FOXP2: variants seen among roughly 807,000 people sequenced by gnomAD.
The protein encoded by FOXP2 is forkhead box P2.
A neutral mutation model predicts 115.8 loss-of-function variants in FOXP2; 12 were observed. The ratio of observed to expected loss-of-function variants is 0.10; its 90% CI spans 0.07 to 0.17. The LOEUF is 0.17. Ranked by LOEUF, FOXP2 falls within the 10% of genes least tolerant of loss-of-function variation. The pLI is 1.00. For missense variants in FOXP2, 629 were observed against 843.5 expected (o/e 0.75, Z 3.15); for synonymous variants, 328 against 297.7 (o/e 1.10, Z -1.05).
At chr7:114,373,963 T>C (rs1792076850) in intron 2 of FOXP2, among the ~76,000 whole-genome samples, 1 of 152,198 alleles carries the variant, frequency 6.6e-6, no homozygotes, top group Admixed American at 6.5e-5. Flanking sequence ...GAAGCTGTTA[T>C]CTCCTCTGAT....
chr7:114,316,911 C>T (rs953099786), intron 2 of FOXP2, among the ~76,000 whole-genome samples: 2 of 152,122 alleles, frequency 1.3e-5, no homozygotes, highest in Admixed American at 1.3e-4. Context: ...TTGTTATTAA[C>T]AAGTGATTGA....
At chr7:114,486,931 G>T (rs1796812058) in intron 2 of FOXP2, among the ~76,000 whole-genome samples, 2 of 152,270 alleles carry the variant, frequency 1.3e-5, no homozygotes, top group South Asian at 4.1e-4. Flanking sequence ...CACTGAGTGT[G>T]CAGCTTTTCT....
chr7:114,689,949 C>A lies in FOXP2; in HGVS notation c.*23C>A. On this transcript the variant is annotated 3_prime_UTR_variant, in exon 17 of 17. Coordinates refer to ENST00000350908, the MANE Select transcript of FOXP2 (RefSeq NM_014491.4). ...TGAGAACTGACTTGTGAAACCTCAGCGTGAAGGGACATATCACTGACCTTC... is the reference window on the plus strand; with the variant it reads ...TGAGAACTGACTTGTGAAACCTCAGAGTGAAGGGACATATCACTGACCTTC... 1 of 1,611,652 alleles carries A rather than the reference C, an allele frequency of 6.2e-7. No homozygotes were observed. Among genetic ancestry groups the A allele is most frequent in the Non-Finnish European group, 8.5e-7 (1 of 1,178,822 alleles).
At chr7:114,152,234 G>C (rs1792547172) in intron 1 of FOXP2, among the ~76,000 whole-genome samples, 1 of 152,036 alleles carries the variant, frequency 6.6e-6, no homozygotes, top group African/African-American at 2.4e-5. Flanking sequence ...ATTATCTATT[G>C]AATACATAAT....
At chr7:114,503,456 A>G (rs1445015655) in intron 2 of FOXP2, among the ~76,000 whole-genome samples, 1 of 151,678 alleles carries the variant, frequency 6.6e-6, no homozygotes, top group Non-Finnish European at 1.5e-5. Context: ...TTTTAGGGTA[A>G]TGGGCATCTA....
intron 3 of FOXP2, among the ~76,000 whole-genome samples, chr7:114,549,171 C>T (rs1800079662): frequency 1.3e-5 from 2 of 152,178 alleles, no homozygotes; most frequent in Non-Finnish European, 2.9e-5. Flanking sequence ...CTGTGTTCTA[C>T]GATCCAGATA....
intron 3 of FOXP2, among the ~76,000 whole-genome samples, chr7:114,585,937 C>T (rs1232176905): frequency 6.6e-6 from 1 of 151,976 alleles, no homozygotes; most frequent in Non-Finnish European, 1.5e-5. Context: ...GAGGAGAACA[C>T]GATTTTATGA....
intron 10 of FOXP2, chr7:114,656,634 G>C (rs748823320): frequency 4.2e-5 from 13 of 311,896 alleles, no homozygotes; most frequent in Non-Finnish European, 8.5e-5. Context: ...TGCTGGCTTA[G>C]AGTATGAACA....
intron 2 of FOXP2, among the ~76,000 whole-genome samples, chr7:114,306,714 C>T (rs1338221996): frequency 2.0e-5 from 3 of 152,128 alleles, no homozygotes; most frequent in Non-Finnish European, 4.4e-5. Context: ...ATAGATTTCA[C>T]TGGTCTAAAG....
At chr7:114,371,307 A>G (rs553013554) in intron 2 of FOXP2, among the ~76,000 whole-genome samples, 2 of 150,330 alleles carry the variant, frequency 1.3e-5, no homozygotes, top group African/African-American at 4.9e-5. Flanking sequence ...GCTGGACTCA[A>G]ACTCCTGGGC....
chr7:114,117,694 C>T (rs1360466226), intron 1 of FOXP2, among the ~76,000 whole-genome samples: 6 of 152,046 alleles, frequency 3.9e-5, no homozygotes, highest in African/African-American at 1.4e-4. Context: ...AGATTAAAAC[C>T]TGGATCTCTT....
chr7:114,091,203 A>G (rs1159448839), intron 1 of FOXP2, among the ~76,000 whole-genome samples: 1 of 151,820 alleles, frequency 6.6e-6, no homozygotes, highest in Non-Finnish European at 1.5e-5. Context: ...CAGACAAAAC[A>G]AACAAACAAA....
chr7:114,343,339 T>C (rs1791259904), intron 2 of FOXP2, among the ~76,000 whole-genome samples: 1 of 151,568 alleles, frequency 6.6e-6, no homozygotes, highest in African/African-American at 2.4e-5. Flanking sequence ...ATTTCATACT[T>C]ACTCAAAGCT....
At chr7:114,266,483 G>A (rs1280530011) in intron 1 of FOXP2, among the ~76,000 whole-genome samples, 1 of 152,178 alleles carries the variant, frequency 6.6e-6, no homozygotes, top group Non-Finnish European at 1.5e-5. Context: ...GCAGGAGCAG[G>A]CATTTCACAT....
chr7:114,286,243 A>G (rs186511615), intron 1 of FOXP2, among the ~76,000 whole-genome samples: 4 of 152,070 alleles, frequency 2.6e-5, no homozygotes, highest in African/African-American at 9.6e-5. Context: ...TATGAACTCT[A>G]TGTGCCTGCA....
At chr7:114,600,635 T>G (rs1301629998) in intron 3 of FOXP2, among the ~76,000 whole-genome samples, 1 of 152,210 alleles carries the variant, frequency 6.6e-6, no homozygotes, top group African/African-American at 2.4e-5. Context: ...CCACCAGCAA[T>G]GAATGAGAGT....
At chr7:114,243,640 G>A (rs766093056) in intron 1 of FOXP2, among the ~76,000 whole-genome samples, 2 of 152,088 alleles carry the variant, frequency 1.3e-5, no homozygotes, top group African/African-American at 2.4e-5. Context: ...TTAAGATTAT[G>A]TTGTGTAAAA....
At chr7:114,676,650 G>C (rs907112296) in intron 16 of FOXP2, among the ~76,000 whole-genome samples, 1 of 151,786 alleles carries the variant, frequency 6.6e-6, no homozygotes, top group South Asian at 2.1e-4. Context: ...ATATCTATAG[G>C]GTTTTTTAAA....
Position 114,176,318 on chromosome 7 carries a change from C to T in FOXP2, c.-102+13230C>T, listed in dbSNP as rs1263179148. On this transcript the variant is annotated intron_variant, in intron 1 of 17. Transcript: ENST00000634411. ...TTTCTTTCTCTCTCTCTCTCTCTCT[C>T]TCTTTCTTTTTCTTTCTTTCTCTCT... 3.9e-3 allele frequency among the ~76,000 whole-genome samples: 545 copies of T among 138,790 alleles called. 6 individuals carry two copies. The highest frequency in any genetic ancestry group is 0.015 in the African/African-American group (515 of 33,604). 91.1% of individuals were successfully genotyped at this position (138,790 alleles called of 152,430 possible).
Sources: allele counts gnomAD v4.1 joint callset (sites outside exome capture counted in the v4.1 genomes callset), GRCh38; gene constraint gnomAD v4.1.1; transcripts MANE v1.5; gene names NCBI Gene and HGNC (gene_info 2026-07-23, HGNC 2026-07-21).